EYS: variants seen among roughly 807,000 people sequenced by gnomAD.
EYS encodes protein eyes shut homolog.
EYS carries 250 observed loss-of-function variants against 282.1 expected under a neutral mutation model. The observed-to-expected ratio is 0.89, with a 90% CI of 0.80 to 0.98. The LOEUF (loss-of-function observed/expected upper bound fraction) is 0.98. EYS is among the 50% of genes least tolerant of loss of function. The pLI is 0.00. For missense variants in EYS, 4,016 were observed against 3,709.0 expected, an observed-to-expected ratio of 1.08 and a Z score of -2.15; for synonymous variants, 1,355 against 1,282.9, an observed-to-expected ratio of 1.06 and a Z score of -1.20.
intron 5 of EYS, among the ~76,000 whole-genome samples, chr6:65,444,872 C>T (rs187193421): frequency 9.2e-5 from 14 of 152,010 alleles, no homozygotes; most frequent in South Asian, 6.2e-4. Flanking sequence ...CAATATATTG[C>T]GCTTCCATTT....
At chr6:65,515,559 A>T (rs1272778143) in intron 2 of EYS, among the ~76,000 whole-genome samples, 1 of 152,052 alleles carries the variant, frequency 6.6e-6, no homozygotes, top group East Asian at 1.9e-4. Flanking sequence ...CAACAATGAT[A>T]GACTGGATTA....
chr6:64,505,957 T>A (rs922270815), intron 26 of EYS, among the ~76,000 whole-genome samples: 1 of 152,140 alleles, frequency 6.6e-6, no homozygotes, highest in Non-Finnish European at 1.5e-5. Flanking sequence ...CTACGGCAGG[T>A]TGAAATAAGT....
chr6:65,505,426 A>C (rs116496714), intron 2 of EYS, among the ~76,000 whole-genome samples: 1 of 150,842 alleles, frequency 6.6e-6, no homozygotes, highest in Non-Finnish European at 1.5e-5. Context: ...TTCTAATTTT[A>C]ATTATTTCTC....
At chr6:63,782,948 T>A (rs319923) in intron 39 of EYS, among the ~76,000 whole-genome samples, 76,792 of 150,050 alleles carry the variant, frequency 0.51, 21,636 homozygotes, top group African/African-American at 0.75. Context: ...TAAACTGCAG[T>A]ATAGCTTTTT....
intron 28 of EYS, among the ~76,000 whole-genome samples, chr6:64,429,135 A>G (rs1416386095): frequency 6.6e-6 from 1 of 152,046 alleles, no homozygotes; most frequent in Non-Finnish European, 1.5e-5. Context: ...AACCAAAATT[A>G]CTCTATGCTC....
At chr6:65,627,449 G>A (rs956054719) in intron 2 of EYS, among the ~76,000 whole-genome samples, 30 of 152,130 alleles carry the variant, frequency 2.0e-4, no homozygotes, top group Admixed American at 8.5e-4. Context: ...CCCTTCGGCC[G>A]CCGCTGCACT....
At chr6:64,026,629 C>G (rs1416515940) in intron 33 of EYS, among the ~76,000 whole-genome samples, 2 of 152,174 alleles carry the variant, frequency 1.3e-5, no homozygotes, top group Admixed American at 1.3e-4. Flanking sequence ...AGGGAGAATA[C>G]ACAATATGCA....
intron 12 of EYS, among the ~76,000 whole-genome samples, chr6:65,143,141 G>T (rs1008127893): frequency 6.6e-6 from 1 of 151,898 alleles, no homozygotes; most frequent in Non-Finnish European, 1.5e-5. Flanking sequence ...CCACACACCC[G>T]AGAATGAATC....
intron 12 of EYS, among the ~76,000 whole-genome samples, chr6:65,284,238 C>CA (rs1305264937): frequency 6.6e-6 from 1 of 152,086 alleles, no homozygotes; most frequent in African/African-American, 2.4e-5. Context: ...TCTATCTTCT[C>CA]AAAAAGAAGT....
At chr6:64,582,151 T>A (rs1222341644) in intron 26 of EYS, among the ~76,000 whole-genome samples, 1 of 152,104 alleles carries the variant, frequency 6.6e-6, no homozygotes, top group Admixed American at 6.6e-5. Flanking sequence ...TGTACAAAAT[T>A]AGTCATAGAT....
At chr6:65,245,964 G>T (rs147777355) in intron 12 of EYS, among the ~76,000 whole-genome samples, 1 of 151,922 alleles carries the variant, frequency 6.6e-6, no homozygotes, top group Admixed American at 6.6e-5. Context: ...GACATAACTG[G>T]AACCTGCCCC....
intron 12 of EYS, among the ~76,000 whole-genome samples, chr6:65,070,429 T>C (rs1165230842): frequency 6.6e-6 from 1 of 151,906 alleles, no homozygotes; most frequent in Non-Finnish European, 1.5e-5. Flanking sequence ...TAGCAGTCAC[T>C]CACATGCACT....
chr6:63,750,904 T>TA (rs766867730), intron 41 of EYS, among the ~76,000 whole-genome samples: 13 of 152,220 alleles, frequency 8.5e-5, no homozygotes, highest in Non-Finnish European at 1.6e-4. Context: ...CTTCCTAGTC[T>TA]ATCTATGCTG....
chr6:63,989,884 G>A (rs1767533426), intron 34 of EYS, among the ~76,000 whole-genome samples: 1 of 151,270 alleles, frequency 6.6e-6, no homozygotes, highest in Non-Finnish European at 1.5e-5. Context: ...CTCACACAAG[G>A]TTATTTCTTT....
At chr6:65,039,597 C>A (rs997876651) in intron 13 of EYS, among the ~76,000 whole-genome samples, 9 of 151,498 alleles carry the variant, frequency 5.9e-5, no homozygotes, top group African/African-American at 2.2e-4. Flanking sequence ...GATGTGATTA[C>A]ATTTTTCCAT....
Position 64,605,132 on chromosome 6 carries a change from T to A in EYS, c.3685-11823A>T, listed in dbSNP as rs1766882742. Among the ~76,000 whole-genome samples the A allele has an allele frequency of 2.0e-5, 3 of 151,972 alleles. No individual in the cohort carries two copies. In the South Asian group the frequency reaches 6.2e-4, roughly 31 times the overall value. On this transcript the variant is annotated intron_variant, in intron 24 of 42. Transcript: ENST00000503581. Reference sequence around the variant, plus strand: ...ATATTGATTTTTCTTATTGAAAACATGGTGAGAAACTTACTTAGGTTACCC... The same window carrying A: ...ATATTGATTTTTCTTATTGAAAACAAGGTGAGAAACTTACTTAGGTTACCC...
chr6:65,125,904 G>A (rs2150199120), intron 12 of EYS, among the ~76,000 whole-genome samples: 1 of 152,252 alleles, frequency 6.6e-6, no homozygotes, highest in East Asian at 1.9e-4. Flanking sequence ...CTTGGGGTAT[G>A]TGTGGCTTTA....
chr6:65,622,662 A>T (rs1030442345), intron 2 of EYS, among the ~76,000 whole-genome samples: 1 of 152,142 alleles, frequency 6.6e-6, no homozygotes, highest in Non-Finnish European at 1.5e-5. Context: ...TTCAAAGCAG[A>T]CTATCATTGT....
intron 12 of EYS, among the ~76,000 whole-genome samples, chr6:65,186,448 A>G (rs980266966): frequency 6.6e-5 from 10 of 151,738 alleles, no homozygotes; most frequent in African/African-American, 2.2e-4. Context: ...TATTGGTTTT[A>G]AACTACTCCT....
Sources: allele counts gnomAD v4.1 joint callset (sites outside exome capture counted in the v4.1 genomes callset), GRCh38; gene constraint gnomAD v4.1.1; transcripts MANE v1.5; gene names NCBI Gene and HGNC (gene_info 2026-07-23, HGNC 2026-07-21).